The following FOXP2 variants were observed in gnomAD, a reference collection of about 807,000 sequenced individuals.
The protein encoded by FOXP2 is forkhead box protein P2.
In FOXP2, 12 loss-of-function variants were observed where a neutral mutation model predicts 115.8. The observed-to-expected ratio is 0.10, with a 90% CI of 0.07 to 0.17. The LOEUF (loss-of-function observed/expected upper bound fraction) is 0.17. FOXP2 is among the 10% of genes least tolerant of loss of function. The pLI is 1.00. For missense variants in FOXP2, 629 were observed against 843.5 expected (o/e 0.75, Z 3.15); for synonymous variants, 328 against 297.7 (o/e 1.10, Z -1.05).
intron 3 of FOXP2, among the ~76,000 whole-genome samples, chr7:114,583,666 A>G (rs1801979931): frequency 1.3e-5 from 2 of 152,214 alleles, no homozygotes; most frequent in African/African-American, 4.8e-5. Context: ...TTGTCTGTTC[A>G]CCGATGATAT....
intron 2 of FOXP2, among the ~76,000 whole-genome samples, chr7:114,469,762 A>G (rs1415927018): frequency 6.6e-6 from 1 of 152,188 alleles, no homozygotes. Flanking sequence ...AAAATATTTT[A>G]GATCTGTAAT....
upstream of FOXP2, chr7:114,086,428 G>C (rs1799412985): frequency 2.9e-6 from 1 of 344,002 alleles, no homozygotes; most frequent in Admixed American, 3.9e-5. Flanking sequence ...CGCCCGCCCC[G>C]GTTATTTATG....
At chr7:114,302,149 G>T (rs1027011357) in intron 2 of FOXP2, among the ~76,000 whole-genome samples, 3 of 152,094 alleles carry the variant, frequency 2.0e-5, no homozygotes, top group African/African-American at 7.2e-5. Flanking sequence ...TGTCTTACAT[G>T]TAATTCCATA....
chr7:114,420,187 A>T (rs547232578), intron 1 of FOXP2, among the ~76,000 whole-genome samples: 1 of 152,022 alleles, frequency 6.6e-6, no homozygotes, highest in African/African-American at 2.4e-5. Context: ...CCATCACAAG[A>T]GAAGTACATA....
intron 3 of FOXP2, among the ~76,000 whole-genome samples, chr7:114,579,390 G>A (rs944824382): frequency 2.0e-5 from 3 of 152,046 alleles, no homozygotes; most frequent in East Asian, 1.9e-4. Context: ...GAATTCTTTC[G>A]AGAAATTGTG....
At chr7:114,653,702 T>C (rs1401118695) in intron 9 of FOXP2, among the ~76,000 whole-genome samples, 1 of 152,108 alleles carries the variant, frequency 6.6e-6, no homozygotes, top group Non-Finnish European at 1.5e-5. Context: ...AAAGATGAAG[T>C]GTTATTTGTT....
intron 1 of FOXP2, among the ~76,000 whole-genome samples, chr7:114,269,303 C>T (rs193225081): frequency 1.3e-5 from 2 of 152,166 alleles, no homozygotes; most frequent in African/African-American, 2.4e-5. Context: ...AATTAAAATG[C>T]CTTAAACATG....
intron 2 of FOXP2, among the ~76,000 whole-genome samples, chr7:114,352,412 C>T (rs895286791): frequency 1.3e-5 from 2 of 152,134 alleles, no homozygotes; most frequent in Non-Finnish European, 2.9e-5. Flanking sequence ...GTGATTAATC[C>T]AGAGGCAGCA....
upstream of FOXP2, among the ~76,000 whole-genome samples, chr7:114,414,021 G>T (rs1793240243): frequency 6.6e-6 from 1 of 151,970 alleles, no homozygotes. Flanking sequence ...TCCTGTCTTG[G>T]GTGTAACTCC....
chr7:114,685,234 C>G (rs538905612), intron 16 of FOXP2, among the ~76,000 whole-genome samples: 2 of 152,064 alleles, frequency 1.3e-5, no homozygotes, highest in Non-Finnish European at 2.9e-5. Flanking sequence ...TTATTTATCA[C>G]GTTAAATAGT....
intron 2 of FOXP2, among the ~76,000 whole-genome samples, chr7:114,363,768 A>T (rs1222508290): frequency 6.6e-6 from 1 of 152,114 alleles, no homozygotes; most frequent in African/African-American, 2.4e-5. Context: ...CCCTGGATTC[A>T]GACGTTGCCT....
At position 114,498,797 on chromosome 7, in the gene FOXP2, G is replaced by T. The variant is rs1377752040; in HGVS notation, c.169-35820G>T. 17 of 706,776 alleles carry T rather than the reference G, an allele frequency of 2.4e-5. 1 individual carries two copies. The highest frequency in any genetic ancestry group is 3.4e-5 in the Non-Finnish European group (13 of 381,366). The allele number at this position is 706,776 out of a possible 1,614,324, so 43.8% of individuals were successfully genotyped here. ...GGCATACTTTGCAAATAATTTTTTT[G>T]GGGGTATATGTCAGGATGATTTCAT... On this transcript the variant is annotated intron_variant, in intron 2 of 16. Transcript: ENST00000350908.
intron 1 of FOXP2, chr7:114,416,172 T>C (rs896429470): frequency 2.0e-5 from 3 of 152,128 alleles, no homozygotes; most frequent in East Asian, 3.9e-4. Context: ...GGGCCCATCA[T>C]AGGGCTACAG....
At chr7:114,300,646 A>G (rs1409577594) in intron 2 of FOXP2, among the ~76,000 whole-genome samples, 1 of 152,066 alleles carries the variant, frequency 6.6e-6, no homozygotes, top group African/African-American at 2.4e-5. Context: ...TCTTAGTAAT[A>G]ACGATTTAAT....
rs1240394269 is a variant in FOXP2 at position 114,658,222 on chromosome 7, A to G, written c.1423A>G (p.Ile475Val). 2 of 1,613,852 alleles carry G rather than the reference A, an allele frequency of 1.2e-6. No homozygotes were observed. The highest frequency in any genetic ancestry group is 1.7e-6 in the Non-Finnish European group (2 of 1,179,842). ...AGCCAGTGTGCCCAATGTGGGAGCCATACGAAGGCGACATTCAGACAAATA... is the reference window on the plus strand; with the variant it reads ...AGCCAGTGTGCCCAATGTGGGAGCCGTACGAAGGCGACATTCAGACAAATA... The part of the protein sequence containing the change: ...TPASVPNVGA[I>V]RRRHSDKYNI... Residue 475 changes from isoleucine (I) to valine (V), a missense_variant, in exon 11 of 17, where the codon ATA becomes GTA. Ile to Val is a conservative substitution (Grantham distance 29). Transcript: ENST00000350908.
At chr7:114,641,071 T>C (rs1360178349) in intron 6 of FOXP2, among the ~76,000 whole-genome samples, 2 of 152,234 alleles carry the variant, frequency 1.3e-5, no homozygotes, top group Admixed American at 6.5e-5. Flanking sequence ...ATAGCAAATA[T>C]ACTCAAGCCA....
At chr7:114,264,790 G>C (rs1795854797) in intron 1 of FOXP2, among the ~76,000 whole-genome samples, 1 of 152,100 alleles carries the variant, frequency 6.6e-6, no homozygotes, top group Non-Finnish European at 1.5e-5. Flanking sequence ...TTTACTCATG[G>C]GGGAAGGCGA....
intron 1 of FOXP2, among the ~76,000 whole-genome samples, chr7:114,091,108 T>A (rs1182368537): frequency 6.6e-6 from 1 of 151,868 alleles, no homozygotes; most frequent in African/African-American, 2.4e-5. Context: ...AATGGGTACT[T>A]CCACTTGCTT....
chr7:114,125,283 ATAGT>A (rs1310509415), intron 1 of FOXP2, among the ~76,000 whole-genome samples: 1 of 152,188 alleles, frequency 6.6e-6, no homozygotes, highest in Non-Finnish European at 1.5e-5. Flanking sequence ...TATATAGTCA[ATAGT>A]TAAAGATTGT....
Sources: gnomAD v4.1 joint callset for allele counts (sites outside exome capture counted in the v4.1 genomes callset) on GRCh38, gnomAD v4.1.1 for gene constraint, MANE v1.5 for transcripts, NCBI Gene and HGNC (gene_info 2026-07-23, HGNC 2026-07-21) for gene names.